The following MACO1 variants were observed in gnomAD, a reference collection of about 807,000 sequenced individuals.
The protein encoded by MACO1 is macoilin 1.
Under a neutral mutation model 78.7 loss-of-function variants are expected in MACO1, and 14 were observed. The ratio of observed to expected loss-of-function variants is 0.18; its 90% CI spans 0.12 to 0.28. The LOEUF is 0.28. Ranked by LOEUF, MACO1 falls within the 10% of genes least tolerant of loss-of-function variation. The probability of loss-of-function intolerance (pLI) is 1.00; values close to 1 mark genes in which losing one functional copy is unlikely to be tolerated. For missense variants in MACO1, 501 were observed against 799.0 expected, an observed-to-expected ratio of 0.63 and a Z score of 4.50; for synonymous variants, 288 against 291.6, an observed-to-expected ratio of 0.99 and a Z score of 0.12.
Position 25,489,302 on chromosome 1 carries a change from G to A in MACO1, c.1617+9G>A. On this transcript the variant is annotated intron_variant, in intron 9 of 10. Transcript: ENST00000374343. ...TAGAACTAAAAGTCCAGGTAAGGGG[G>A]GAACAAAAGACTTCCCTTGTATTTG... The A allele has an allele frequency of 6.2e-7, 1 of 1,612,296 alleles. No individual in the cohort carries two copies. Among genetic ancestry groups the A allele is most frequent in the Non-Finnish European group, 8.5e-7 (1 of 1,179,348 alleles).
Position 25,450,331 on chromosome 1 carries a change from A to G in MACO1, c.349+1397A>G, listed in dbSNP as rs775682101. The stretch of plus-strand genomic sequence containing the variant: ...TGTTCTGACTAGAGTAGAGCTCCCT[A>G]CTTCTTAGAGCTATACTTCTGTCAC... On this transcript the variant is annotated intron_variant, in intron 3 of 10. Transcript: ENST00000374343. Among the ~76,000 whole-genome samples the G allele has an allele frequency of 3.9e-5, 6 of 152,152 alleles. No individual in the cohort carries two copies. In the South Asian group the frequency reaches 8.3e-4, roughly 21 times the overall value.
chr1:25,444,576 G>GT (rs947043238), intron 1 of MACO1, among the ~76,000 whole-genome samples: 142 of 152,072 alleles, frequency 9.3e-4, no homozygotes, highest in Middle Eastern at 3.4e-3. Flanking sequence ...AGTCAGTTGT[G>GT]TTTTTTTGTT....
intron 1 of MACO1, among the ~76,000 whole-genome samples, chr1:25,443,648 T>C (rs2042990873): frequency 6.6e-6 from 1 of 152,232 alleles, no homozygotes; most frequent in South Asian, 2.1e-4. Flanking sequence ...TTTAAATGAT[T>C]GAATTATTAA....
intron 6 of MACO1, among the ~76,000 whole-genome samples, chr1:25,466,085 A>G (rs891227289): frequency 2.8e-4 from 43 of 152,206 alleles, no homozygotes; most frequent in African/African-American, 1.0e-3. Flanking sequence ...AAGTGCAGGT[A>G]TATTTTTGAT....
chr1:25,484,618 A>G (rs1314073408), intron 7 of MACO1, among the ~76,000 whole-genome samples: 2 of 152,322 alleles, frequency 1.3e-5, no homozygotes, highest in East Asian at 3.9e-4. Context: ...GAAAATTTCT[A>G]GAGGATTTGA....
At chr1:25,488,042 A>G (rs1379305876) in intron 8 of MACO1, among the ~76,000 whole-genome samples, 1 of 152,158 alleles carries the variant, frequency 6.6e-6, no homozygotes, top group Non-Finnish European at 1.5e-5. Flanking sequence ...ACACTCAGTA[A>G]TAATTATTGT....
intron 6 of MACO1, among the ~76,000 whole-genome samples, chr1:25,463,911 A>T (rs1482755029): frequency 6.6e-6 from 1 of 152,180 alleles, no homozygotes; most frequent in African/African-American, 2.4e-5. Flanking sequence ...TTTCTCATAT[A>T]CCTGCTGTCC....
intron 6 of MACO1, 150 bp downstream of exon 6, chr1:25,459,042 G>A: frequency 2.1e-6 from 2 of 956,566 alleles, no homozygotes; most frequent in Non-Finnish European, 3.1e-6. Flanking sequence ...TGGCCACCTT[G>A]TGTTATTGTG....
rs569715777 is a variant in MACO1, at chr1:25,438,041, G to A, written c.80+6863G>A. 6.4e-4 allele frequency among the ~76,000 whole-genome samples: 97 copies of A among 152,218 alleles called. 1 individual carries two copies. The highest frequency in any genetic ancestry group is 3.9e-4 in the Admixed American group (6 of 15,300). On this transcript the variant is annotated intron_variant, in intron 1 of 10. Transcript: ENST00000374343. ...AAAAAAAAAATCTAGAATGGAAATC[G>A]CTAAAAAAGGTTTTCACGGTTTTGT...
Position 25,480,929 on chromosome 1 carries a change from AATATAT to A in MACO1, c.1155-3146_1155-3141del, listed in dbSNP as rs202050214. Among the ~76,000 whole-genome samples, 320 of 47,556 alleles carry A rather than the reference AATATAT, an allele frequency of 6.7e-3. 1 individual carries two copies. Among genetic ancestry groups the A allele is most frequent in the Middle Eastern group, 0.023 (2 of 86 alleles). 31.2% of individuals were successfully genotyped at this position (47,556 alleles called of 152,430 possible). A position where few individuals can be genotyped will look rare whatever the true frequency, so the allele number is the denominator to read the frequency against. On this transcript the variant is annotated intron_variant, in intron 6 of 10. Coordinates refer to ENST00000374343, the MANE Select transcript of MACO1 (RefSeq NM_018202.6). Reference sequence around the variant, plus strand: ...AGACTTGGTTAAAAAAAAAAAAAAAAATATATATATATATATATATATATATATATA... The same window carrying A: ...AGACTTGGTTAAAAAAAAAAAAAAAAATATATATATATATATATATATATA...
At chr1:25,484,897 A>G (rs1411976243) in intron 7 of MACO1, among the ~76,000 whole-genome samples, 5 of 152,166 alleles carry the variant, frequency 3.3e-5, no homozygotes, top group African/African-American at 1.2e-4. Context: ...TTTTTAAGGA[A>G]TGTAACTCAA....
chr1:25,487,753 C>A (rs1262551224), intron 8 of MACO1, among the ~76,000 whole-genome samples: 1 of 152,172 alleles, frequency 6.6e-6, no homozygotes, highest in Non-Finnish European at 1.5e-5. Flanking sequence ...TTCTAGTTCA[C>A]CGCCCCCTGC....
intron 6 of MACO1, among the ~76,000 whole-genome samples, chr1:25,478,421 T>G (rs1229651204): frequency 1.3e-5 from 2 of 152,234 alleles, no homozygotes; most frequent in Non-Finnish European, 2.9e-5. Flanking sequence ...CTCTTAAAAT[T>G]AAATTTAAAT....
At position 25,446,823 on chromosome 1, in the gene MACO1, C is replaced by T; in HGVS notation, c.142C>T (p.Leu48=). The change falls in exon 2 of 11, where the codon CTG becomes TTG. Residue 48 remains leucine (L), a synonymous_variant. Transcript: ENST00000374343. ...ACTTGTCCTCCTAGCAGATTTTGTC[C>T]TGGAGTTCAGATTTGAATACCTGTG... is the stretch of plus-strand genomic sequence containing the variant. ...WALVLLADFV[L]EFRFEYLWPF... 1 of 1,613,888 alleles carries T rather than the reference C, an allele frequency of 6.2e-7. No homozygotes were observed. The highest frequency in any genetic ancestry group is 2.2e-5 in the East Asian group (1 of 44,864).
At chr1:25,483,709 A>G (rs1482420307) in intron 6 of MACO1, among the ~76,000 whole-genome samples, 1 of 152,226 alleles carries the variant, frequency 6.6e-6, no homozygotes, top group Non-Finnish European at 1.5e-5. Context: ...AAAATATCAC[A>G]AAGCATTAAG....
At chr1:25,494,973 C>G (rs2043521951) in intron 10 of MACO1, among the ~76,000 whole-genome samples, 1 of 152,106 alleles carries the variant, frequency 6.6e-6, no homozygotes, top group African/African-American at 2.4e-5. Flanking sequence ...TGGGATGGCA[C>G]AGGTGATTGA....
intron 3 of MACO1, among the ~76,000 whole-genome samples, chr1:25,452,028 C>A (rs1287455260): frequency 2.0e-5 from 3 of 151,564 alleles, no homozygotes; most frequent in African/African-American, 7.3e-5. Context: ...CATTAGCTGG[C>A]TTCACAGAGC....
intron 3 of MACO1, among the ~76,000 whole-genome samples, chr1:25,451,664 T>C (rs1002450142): frequency 1.3e-5 from 2 of 152,184 alleles, no homozygotes; most frequent in Admixed American, 1.3e-4. Flanking sequence ...CCCAGCACTT[T>C]GGGAGGCCAA....
chr1:25,455,718 A>G (rs773010040), intron 4 of MACO1, among the ~76,000 whole-genome samples: 43 of 152,328 alleles, frequency 2.8e-4, no homozygotes, highest in South Asian at 6.2e-4. Flanking sequence ...CACTGATCAT[A>G]TCGGATACTT....
Sources: gnomAD v4.1 joint callset for allele counts (sites outside exome capture counted in the v4.1 genomes callset) on GRCh38, gnomAD v4.1.1 for gene constraint, MANE v1.5 for transcripts, NCBI Gene and HGNC (gene_info 2026-07-23, HGNC 2026-07-21) for gene names.